The following CENPP variants were observed in gnomAD, a reference collection of about 807,000 sequenced individuals.
CENPP encodes the protein centromere protein P.
CENPP carries 24 observed loss-of-function variants against 35.6 expected under a neutral mutation model. That is an observed-to-expected ratio of 0.67 (90% CI 0.49 to 0.95). The LOEUF (loss-of-function observed/expected upper bound fraction) is 0.95, where lower values mean the gene tolerates loss of function less well. Ranked by LOEUF, CENPP falls within the 40% of genes least tolerant of loss-of-function variation. The probability of loss-of-function intolerance (pLI) is 0.00; values close to 1 mark genes in which losing one functional copy is unlikely to be tolerated. For synonymous variants in CENPP, 120 were observed against 125.5 expected, an observed-to-expected ratio of 0.96 and a Z score of 0.29; for missense variants, 332 against 345.3, an observed-to-expected ratio of 0.96 and a Z score of 0.31.
intron 5 of CENPP, among the ~76,000 whole-genome samples, chr9:92,469,486 G>A (rs1845431537): frequency 6.6e-6 from 1 of 152,192 alleles, no homozygotes; most frequent in African/African-American, 2.4e-5. Flanking sequence ...GACCCAGGGT[G>A]ACAGGGAGGC....
At chr9:92,528,669 G>C (rs2131270710) in intron 5 of CENPP, among the ~76,000 whole-genome samples, 1 of 152,346 alleles carries the variant, frequency 6.6e-6, no homozygotes, top group Admixed American at 6.5e-5. Context: ...AGAGTACTCA[G>C]AAGAGCATTA....
chr9:92,329,883 G>A (rs1040078277), intron 1 of CENPP, among the ~76,000 whole-genome samples: 1 of 152,118 alleles, frequency 6.6e-6, no homozygotes, highest in Non-Finnish European at 1.5e-5. Flanking sequence ...GTAATTTGTA[G>A]GGGCATCAGT....
At position 92,465,105 on chromosome 9, in the gene CENPP, C is replaced by T. The variant is rs1042460978; in HGVS notation, c.564+85246C>T. Reference sequence around the variant, plus strand: ...AAACTCACAGTGCAGAGAGACACATCCCAAGAATGAATATCCCAAGAAGCG... The same window carrying T: ...AAACTCACAGTGCAGAGAGACACATTCCAAGAATGAATATCCCAAGAAGCG... On this transcript the variant is annotated intron_variant, in intron 5 of 7. Transcript: ENST00000375587. 5.1e-6 allele frequency: 5 copies of T among 975,496 alleles called. No individual in the cohort carries two copies. In the African/African-American group the frequency reaches 6.5e-5, roughly 13 times the overall value. The allele number at this position is 975,496 out of a possible 1,614,324, so 60.4% of individuals were successfully genotyped here. A position where few individuals can be genotyped will look rare whatever the true frequency, so the allele number is the denominator to read the frequency against.
chr9:92,344,414 A>T (rs1032418170), intron 3 of CENPP, among the ~76,000 whole-genome samples: 1 of 152,032 alleles, frequency 6.6e-6, no homozygotes, highest in Admixed American at 6.6e-5. Context: ...TTCTGGTAAC[A>T]GTTCTATTGA....
At chr9:92,341,226 T>A (rs1274700397) in intron 3 of CENPP, among the ~76,000 whole-genome samples, 2 of 152,190 alleles carry the variant, frequency 1.3e-5, no homozygotes, top group African/African-American at 2.4e-5. Flanking sequence ...ATGTTATCAA[T>A]GACAATGGTA....
chr9:92,501,423 A>C (rs1846669330), intron 5 of CENPP, among the ~76,000 whole-genome samples: 1 of 152,220 alleles, frequency 6.6e-6, no homozygotes, highest in Non-Finnish European at 1.5e-5. Flanking sequence ...CTAAATGCCT[A>C]TCTGTAAAGT....
chr9:92,470,924 A>T, intron 5 of CENPP: 1 of 581,620 alleles, frequency 1.7e-6, no homozygotes, highest in Non-Finnish European at 2.9e-6. Context: ...TGACAAAAAA[A>T]ACATTGTTTT....
At chr9:92,508,599 T>C (rs2131180695) in intron 5 of CENPP, among the ~76,000 whole-genome samples, 1 of 152,374 alleles carries the variant, frequency 6.6e-6, no homozygotes, top group African/African-American at 2.4e-5. Context: ...CTTCAGCAGT[T>C]AGAAACTGAA....
At chr9:92,432,691 C>A (rs879317504) in intron 5 of CENPP, among the ~76,000 whole-genome samples, 3 of 152,154 alleles carry the variant, frequency 2.0e-5, no homozygotes, top group South Asian at 2.1e-4. Flanking sequence ...ATTATATACA[C>A]GATTAAAAAA....
intron 4 of CENPP, among the ~76,000 whole-genome samples, chr9:92,375,593 G>A (rs965750818): frequency 6.6e-5 from 10 of 152,110 alleles, no homozygotes. Flanking sequence ...ACCGCGCCCG[G>A]CCATTTTTAC....
At chr9:92,521,393 T>C (rs1201997649) in intron 5 of CENPP, among the ~76,000 whole-genome samples, 1 of 152,226 alleles carries the variant, frequency 6.6e-6, no homozygotes, top group East Asian at 1.9e-4. Context: ...GTTTTTAAGT[T>C]GATTTCTCTT....
chr9:92,418,736 A>G (rs1161505880), intron 5 of CENPP, among the ~76,000 whole-genome samples: 1 of 152,164 alleles, frequency 6.6e-6, no homozygotes, highest in Non-Finnish European at 1.5e-5. Flanking sequence ...TTTGTGTGAT[A>G]ACTTCAGATA....
rs1845703600 is a variant in CENPP at position 92,476,053 on chromosome 9, G to T, written c.564+96194G>T. 6.6e-6 allele frequency among the ~76,000 whole-genome samples: 1 copy of T among 152,140 alleles called. No individual in the cohort carries two copies. Among genetic ancestry groups the T allele is most frequent in the South Asian group, 2.1e-4 (1 of 4,826 alleles). On this transcript the variant is annotated intron_variant, in intron 5 of 7. Coordinates refer to ENST00000375587, the MANE Select transcript of CENPP (RefSeq NM_001012267.3). This position sits in a 1 kb window ranked among gnomAD's most constrained non-coding sequence, Gnocchi z 4.1. Reference sequence around the variant, plus strand: ...TTATTCAAAATAGATGCATCCTAGAGATGCTCACTGGTGAAACTGAGTCCT... The same window carrying T: ...TTATTCAAAATAGATGCATCCTAGATATGCTCACTGGTGAAACTGAGTCCT...
intron 5 of CENPP, chr9:92,522,924 G>A: frequency 1.3e-6 from 2 of 1,515,956 alleles, no homozygotes; most frequent in Admixed American, 4.4e-5. Flanking sequence ...AAAGTTAGTG[G>A]TGACTAAATT....
intron 5 of CENPP, among the ~76,000 whole-genome samples, chr9:92,459,339 C>T (rs541968247): frequency 6.6e-6 from 1 of 152,352 alleles, no homozygotes; most frequent in East Asian, 1.9e-4. Context: ...GTAGCCACCC[C>T]TGCCCTAAAA....
At chr9:92,401,678 T>C (rs1464307274) in intron 5 of CENPP, among the ~76,000 whole-genome samples, 1 of 152,214 alleles carries the variant, frequency 6.6e-6, no homozygotes, top group East Asian at 1.9e-4. Context: ...TTTAATTACC[T>C]ATATCCCTCC....
intron 5 of CENPP, among the ~76,000 whole-genome samples, chr9:92,575,818 A>G (rs1012954244): frequency 6.6e-6 from 1 of 152,134 alleles, no homozygotes; most frequent in African/African-American, 2.4e-5. Context: ...TTTCAAAAAA[A>G]AAAAGAATGT....
intron 4 of CENPP, among the ~76,000 whole-genome samples, chr9:92,347,272 C>T (rs1352844864): frequency 6.6e-6 from 1 of 152,180 alleles, no homozygotes; most frequent in Non-Finnish European, 1.5e-5. Context: ...TCCTTTTGTT[C>T]AGACCATAGT....
At chr9:92,496,904 C>G (rs533766599) in intron 5 of CENPP, among the ~76,000 whole-genome samples, 11 of 150,684 alleles carry the variant, frequency 7.3e-5, no homozygotes, top group African/African-American at 2.7e-4. Flanking sequence ...TAAATTGAAA[C>G]TTTACTGGCA....
Sources: allele counts gnomAD v4.1 joint callset (sites outside exome capture counted in the v4.1 genomes callset), GRCh38; gene constraint gnomAD v4.1.1; non-coding constraint Gnocchi (gnomAD v3.1); transcripts MANE v1.5; gene names NCBI Gene and HGNC (gene_info 2026-07-23, HGNC 2026-07-21).